ERCC6L2: variants seen among roughly 807,000 people sequenced by gnomAD.
ERCC6L2 encodes the protein ERCC excision repair 6 like 2, also known as DNA excision repair protein ERCC-6-like 2.
Under a neutral mutation model 132.0 loss-of-function variants are expected in ERCC6L2, and 77 were observed. The observed-to-expected ratio is 0.58, with a 90% CI of 0.49 to 0.71. The LOEUF is 0.71. Among genes scored for constraint, ERCC6L2 ranks in the 30% least tolerant of loss-of-function variants. The pLI is 0.00. For synonymous variants in ERCC6L2, 583 were observed against 632.4 expected, an observed-to-expected ratio of 0.92 and a Z score of 1.17; for missense variants, 1,542 against 1,837.6, an observed-to-expected ratio of 0.84 and a Z score of 2.94.
At chr9:95,995,360 A>G (rs1391952547) in intron 17 of ERCC6L2, among the ~76,000 whole-genome samples, 2 of 152,238 alleles carry the variant, frequency 1.3e-5, no homozygotes, top group Admixed American at 6.5e-5. Context: ...CATACTATCA[A>G]TCTAAATGAA....
In ERCC6L2 at chr9:96,017,201, C is replaced by G. The variant is rs1834199778; in HGVS notation, c.*3998C>G. On this transcript the variant is annotated 3_prime_UTR_variant, in exon 19 of 19. Coordinates refer to ENST00000653738, the MANE Select transcript of ERCC6L2 (RefSeq NM_020207.7). ...CCTTACTGGGATGGTTCATAAGCCA[C>G]TTTCCTCTTGGTGACAGCCCCTGTA... 1.3e-5 allele frequency among the ~76,000 whole-genome samples: 2 copies of G among 152,188 alleles called. No individual in the cohort carries two copies. The highest frequency in any genetic ancestry group is 3.8e-4 in the East Asian group (2 of 5,200).
chr9:95,980,289 A>T (rs1408942146), intron 17 of ERCC6L2, among the ~76,000 whole-genome samples: 2 of 152,088 alleles, frequency 1.3e-5, no homozygotes, highest in East Asian at 3.9e-4. Context: ...GTTATAATAT[A>T]CCCTTCGAGG....
intron 2 of ERCC6L2, among the ~76,000 whole-genome samples, chr9:95,884,898 TG>T (rs1197557382): frequency 6.6e-6 from 1 of 152,228 alleles, no homozygotes; most frequent in Admixed American, 6.5e-5. Flanking sequence ...GTTTCTTTTT[TG>T]TTTGTTTTGT....
At position 95,984,249 on chromosome 9, in the gene ERCC6L2, T is replaced by C. The variant is rs558209366; in HGVS notation, c.3492+6034T>C. Among the ~76,000 whole-genome samples the C allele has an allele frequency of 4.7e-5, 7 of 149,364 alleles. No homozygotes were observed. In the East Asian group the frequency reaches 1.2e-3, roughly 25 times the overall value. On this transcript the variant is annotated intron_variant, in intron 17 of 18. Coordinates refer to ENST00000653738, the MANE Select transcript of ERCC6L2 (RefSeq NM_020207.7). ...TATATTATATATGTTATATATGTTA[T>C]GTAACTACATACATGTATGTTATGT...
intron 2 of ERCC6L2, among the ~76,000 whole-genome samples, chr9:95,884,616 C>T (rs1156502335): frequency 5.3e-5 from 8 of 151,822 alleles, no homozygotes; most frequent in Admixed American, 3.9e-4. Context: ...AGTTTCCTTC[C>T]CTCATTTCAA....
rs137986989 is a variant in ERCC6L2 at position 95,882,968 on chromosome 9, C to T, written c.471+1675C>T. On this transcript the variant is annotated intron_variant, in intron 2 of 18. Coordinates refer to ENST00000653738, the MANE Select transcript of ERCC6L2 (RefSeq NM_020207.7). ...CAAGAAATTACCTCTGAAACTGACC[C>T]AACAGTCCCACAGACAGTTTTGTTT... Among the ~76,000 whole-genome samples, 3 of 152,264 alleles carry T rather than the reference C, an allele frequency of 2.0e-5. No individual in the cohort carries two copies. In the East Asian group the frequency reaches 5.8e-4, roughly 29 times the overall value.
At chr9:95,896,340 A>G (rs533386834) in intron 2 of ERCC6L2, among the ~76,000 whole-genome samples, 2 of 149,886 alleles carry the variant, frequency 1.3e-5, no homozygotes, top group Non-Finnish European at 3.0e-5. Flanking sequence ...AGTATCTTCC[A>G]TTCTTTTTCC....
chr9:95,922,173 C>T, intron 7 of ERCC6L2, 132 bp from the exon 8 acceptor site: 7 of 520,052 alleles, frequency 1.3e-5, no homozygotes, highest in South Asian at 1.2e-4. Flanking sequence ...AATAGTTGAC[C>T]ATCATTTTCT....
chr9:95,924,333 A>AT (rs1223346018), intron 9 of ERCC6L2, among the ~76,000 whole-genome samples: 3 of 152,172 alleles, frequency 2.0e-5, no homozygotes, highest in Non-Finnish European at 4.4e-5. Flanking sequence ...AGACTATTGC[A>AT]TTAAAAACTT....
intron 17 of ERCC6L2, among the ~76,000 whole-genome samples, chr9:95,988,303 G>A (rs1334440406): frequency 1.3e-5 from 2 of 152,220 alleles, no homozygotes; most frequent in African/African-American, 2.4e-5. Flanking sequence ...CAAATTATCT[G>A]ATGAAGATAA....
chr9:95,891,729 T>C (rs1828177776), intron 2 of ERCC6L2, among the ~76,000 whole-genome samples: 1 of 152,214 alleles, frequency 6.6e-6, no homozygotes, highest in African/African-American at 2.4e-5. Context: ...TTTTCTTCAT[T>C]ATAGCCATCC....
At chr9:95,976,862 T>C (rs1564280725) in intron 16 of ERCC6L2, among the ~76,000 whole-genome samples, 1 of 152,186 alleles carries the variant, frequency 6.6e-6, no homozygotes. Context: ...GCAAGGACAT[T>C]TTGCTATAGA....
chr9:95,969,573 A>G (rs1832320776), intron 14 of ERCC6L2, among the ~76,000 whole-genome samples: 1 of 152,200 alleles, frequency 6.6e-6, no homozygotes. Context: ...CCATTTATCT[A>G]TAATAACGGA....
chr9:95,900,386 CAA>C (rs201613057), intron 3 of ERCC6L2, among the ~76,000 whole-genome samples: 1 of 137,936 alleles, frequency 7.2e-6, no homozygotes. Flanking sequence ...GACCCTGTCT[CAA>C]AAAAAAAAAA....
intron 9 of ERCC6L2, among the ~76,000 whole-genome samples, chr9:95,927,430 TAA>T (rs1449231772): frequency 6.6e-6 from 1 of 152,132 alleles, no homozygotes; most frequent in Non-Finnish European, 1.5e-5. Flanking sequence ...GATGTGGAAA[TAA>T]AAGTAACAGT....
At chr9:95,943,287 T>G (rs1830890807) in intron 12 of ERCC6L2, among the ~76,000 whole-genome samples, 1 of 152,166 alleles carries the variant, frequency 6.6e-6, no homozygotes, top group Non-Finnish European at 1.5e-5. Flanking sequence ...TAAAGTTGTC[T>G]TAGAATTGTT....
chr9:95,882,113 A>G (rs1827628462), intron 2 of ERCC6L2, among the ~76,000 whole-genome samples: 1 of 152,176 alleles, frequency 6.6e-6, no homozygotes, highest in Admixed American at 6.5e-5. Flanking sequence ...TCCTTGACAC[A>G]TGGACCTCTT....
chr9:96,014,936 A>G lies in ERCC6L2; in HGVS notation c.*1733A>G, dbSNP rs1225260218. Among the ~76,000 whole-genome samples, 3 of 151,416 alleles carry G rather than the reference A, an allele frequency of 2.0e-5. No homozygotes were observed. The East Asian group carries it at 5.8e-4, about 29-fold the overall frequency. On this transcript the variant is annotated 3_prime_UTR_variant, in exon 19 of 19. Coordinates refer to ENST00000653738, the MANE Select transcript of ERCC6L2 (RefSeq NM_020207.7). ...TTCATTTCAGTTTATATACAAGACA[A>G]TGTAGTTCAAACATTTTAATACCTT...
intron 3 of ERCC6L2, among the ~76,000 whole-genome samples, chr9:95,898,431 C>G (rs1328847471): frequency 6.6e-6 from 1 of 152,092 alleles, no homozygotes; most frequent in Non-Finnish European, 1.5e-5. Context: ...GAAATAAGTT[C>G]TACCAATATA....
Sources: allele counts gnomAD v4.1 joint callset (sites outside exome capture counted in the v4.1 genomes callset), GRCh38; gene constraint gnomAD v4.1.1; transcripts MANE v1.5; gene names NCBI Gene and HGNC (gene_info 2026-07-23, HGNC 2026-07-21).